The following ADAMTS3 variants were observed in gnomAD, a reference collection of about 807,000 sequenced individuals.
ADAMTS3 encodes A disintegrin and metalloproteinase with thrombospondin motifs 3.
A neutral mutation model predicts 129.0 loss-of-function variants in ADAMTS3; 73 were observed. The ratio of observed to expected loss-of-function variants is 0.57; its 90% CI spans 0.47 to 0.69. ADAMTS3 has a LOEUF of 0.69. Among genes scored for constraint, ADAMTS3 ranks in the 30% least tolerant of loss-of-function variants. ADAMTS3 has a pLI of 0.00. For missense variants in ADAMTS3, 1,457 were observed against 1,514.5 expected, an observed-to-expected ratio of 0.96 and a Z score of 0.63; for synonymous variants, 477 against 510.8, an observed-to-expected ratio of 0.93 and a Z score of 0.89.
intron 3 of ADAMTS3, among the ~76,000 whole-genome samples, chr4:72,544,056 T>C (rs1721404961): frequency 6.6e-6 from 1 of 152,070 alleles, no homozygotes; most frequent in South Asian, 2.1e-4. Flanking sequence ...TACATGAGAA[T>C]TTTCAGAAAT....
chr4:72,477,397 G>C (rs369088324), intron 3 of ADAMTS3, among the ~76,000 whole-genome samples: 273 of 151,976 alleles, frequency 1.8e-3, no homozygotes, highest in East Asian at 0.015. Flanking sequence ...TCACTCAAAA[G>C]CGCTCAACTA....
intron 3 of ADAMTS3, among the ~76,000 whole-genome samples, chr4:72,464,072 A>C (rs897071714): frequency 2.6e-5 from 4 of 152,062 alleles, no homozygotes; most frequent in African/African-American, 9.7e-5. Flanking sequence ...GCACAGATTC[A>C]GTTCAAACAC....
intron 3 of ADAMTS3, among the ~76,000 whole-genome samples, chr4:72,518,982 T>C (rs1225817375): frequency 1.3e-5 from 2 of 151,960 alleles, no homozygotes; most frequent in Non-Finnish European, 2.9e-5. Flanking sequence ...GTACCAGTTG[T>C]TCCTTTCCAT....
At chr4:72,371,403 T>A (rs1721001586) in intron 4 of ADAMTS3, among the ~76,000 whole-genome samples, 1 of 149,626 alleles carries the variant, frequency 6.7e-6, no homozygotes, top group Non-Finnish European at 1.5e-5. Flanking sequence ...AGATAAAAAA[T>A]GAAAGGGTAA....
At chr4:72,536,409 G>C (rs1195294301) in intron 3 of ADAMTS3, among the ~76,000 whole-genome samples, 3 of 152,162 alleles carry the variant, frequency 2.0e-5, no homozygotes, top group Admixed American at 2.0e-4. Flanking sequence ...TGGCTCACAG[G>C]CCGAATTGGG....
At chr4:72,361,291 A>C (rs2109855386) in intron 4 of ADAMTS3, among the ~76,000 whole-genome samples, 1 of 152,308 alleles carries the variant, frequency 6.6e-6, no homozygotes, top group Admixed American at 6.5e-5. Flanking sequence ...ATGTGAAATA[A>C]ATGAGATAAT....
intron 3 of ADAMTS3, chr4:72,442,280 A>G (rs1177725537): frequency 6.6e-6 from 1 of 151,814 alleles, no homozygotes; most frequent in African/African-American, 2.4e-5. Flanking sequence ...GTATTGCAAT[A>G]AAGGAATACC....
intron 3 of ADAMTS3, among the ~76,000 whole-genome samples, chr4:72,421,549 T>C (rs1321178501): frequency 1.3e-5 from 2 of 152,164 alleles, no homozygotes; most frequent in African/African-American, 4.8e-5. Flanking sequence ...AAGAGTGTCA[T>C]GGGCACCTAA....
intron 3 of ADAMTS3, among the ~76,000 whole-genome samples, chr4:72,495,781 T>C (rs930158197): frequency 1.3e-5 from 2 of 152,138 alleles, no homozygotes; most frequent in African/African-American, 4.8e-5. Flanking sequence ...ACAAACAATT[T>C]TGGAAAAGGA....
At chr4:72,518,572 A>T (rs1027503344) in intron 3 of ADAMTS3, among the ~76,000 whole-genome samples, 9 of 152,176 alleles carry the variant, frequency 5.9e-5, no homozygotes, top group African/African-American at 2.2e-4. Context: ...TGTTGAATTG[A>T]TCCCTTTACC....
At chr4:72,559,226 A>T (rs6446835) in intron 2 of ADAMTS3, among the ~76,000 whole-genome samples, 3 of 151,708 alleles carry the variant, frequency 2.0e-5, no homozygotes, top group South Asian at 4.1e-4. Context: ...TCCTGTCACT[A>T]GCATCCAAAG....
chr4:72,341,391 A>C (rs1423421154), intron 4 of ADAMTS3, among the ~76,000 whole-genome samples: 1 of 152,154 alleles, frequency 6.6e-6, no homozygotes, highest in African/African-American at 2.4e-5. Flanking sequence ...AATAACTCTC[A>C]CCATCATCCA....
chr4:72,474,133 G>A (rs1214665832), intron 3 of ADAMTS3, among the ~76,000 whole-genome samples: 1 of 152,108 alleles, frequency 6.6e-6, no homozygotes, highest in African/African-American at 2.4e-5. Flanking sequence ...CAGAGTCTCA[G>A]AACATATGAA....
chr4:72,522,016 G>A (rs188526432), intron 3 of ADAMTS3, among the ~76,000 whole-genome samples: 14 of 152,230 alleles, frequency 9.2e-5, no homozygotes, highest in Admixed American at 8.5e-4. Context: ...CAAGCAAGGA[G>A]AACTCAAGAA....
chr4:72,291,407 C>T (rs998859458), intron 19 of ADAMTS3, among the ~76,000 whole-genome samples: 2 of 129,768 alleles, frequency 1.5e-5, no homozygotes, highest in African/African-American at 5.9e-5. Context: ...CCCCTCCCCC[C>T]ACCCCACAAC....
chr4:72,426,192 T>C (rs1486316495), intron 3 of ADAMTS3, among the ~76,000 whole-genome samples: 2 of 152,202 alleles, frequency 1.3e-5, no homozygotes, highest in Non-Finnish European at 1.5e-5. Flanking sequence ...TTTGTTTTTT[T>C]CTTATAAATT....
rs1721525072 is a variant in ADAMTS3 at position 72,548,521 on chromosome 4, T to C, written c.461A>G (p.Asp154Gly). The part of the protein sequence containing the change: ...TNCAYVGDIV[D>G]IPGTSVAISN... The stretch of plus-strand genomic sequence containing the variant: ...GATGGCAACAGAGGTTCCTGGAATG[T>C]CCACGATGTCACCAACATAAGCACA... Residue 154 changes from aspartate (D) to glycine (G), a missense_variant, in exon 3 of 22, where the codon GAC becomes GGC. Transcript: ENST00000286657. 4 of 1,613,906 alleles carry C rather than the reference T, an allele frequency of 2.5e-6. No homozygotes were observed. The highest frequency in any genetic ancestry group is 2.5e-6 in the Non-Finnish European group (3 of 1,179,854).
intron 3 of ADAMTS3, among the ~76,000 whole-genome samples, chr4:72,469,047 T>A (rs1275869355): frequency 6.6e-6 from 1 of 152,104 alleles, no homozygotes; most frequent in Non-Finnish European, 1.5e-5. Context: ...ACAATCATAT[T>A]AATTTAAACT....
intron 21 of ADAMTS3, among the ~76,000 whole-genome samples, chr4:72,286,790 G>T (rs1718516881): frequency 1.3e-5 from 2 of 152,036 alleles, no homozygotes; most frequent in African/African-American, 4.8e-5. Context: ...AAAATATAAC[G>T]GAAGAGAGAG....
Sources: gnomAD v4.1 joint callset for allele counts (sites outside exome capture counted in the v4.1 genomes callset) on GRCh38, gnomAD v4.1.1 for gene constraint, MANE v1.5 for transcripts, NCBI Gene and HGNC (gene_info 2026-07-23, HGNC 2026-07-21) for gene names.